AMMECR1: variants seen among roughly 807,000 people sequenced by gnomAD.
AMMECR1 encodes AMMECR nuclear protein 1, also known as nuclear protein AMMECR1.
Under a neutral mutation model 22.5 loss-of-function variants are expected in AMMECR1, and 3 were observed. The ratio of observed to expected loss-of-function variants is 0.13; its 90% CI spans 0.06 to 0.35. The LOEUF (loss-of-function observed/expected upper bound fraction) is 0.35. Ranked by LOEUF, AMMECR1 falls within the 10% of genes least tolerant of loss-of-function variation. AMMECR1 has a pLI of 1.00. For synonymous variants in AMMECR1, 130 were observed against 116.7 expected (o/e 1.11, Z -0.74); for missense variants, 235 against 278.7 (o/e 0.84, Z 1.12).
intron 2 of AMMECR1, among the ~76,000 whole-genome samples, chrX:110,387,973 T>C (rs2068468897): frequency 9.3e-6 from 1 of 106,961 alleles, no homozygotes; most frequent in Admixed American, 1.0e-4. Context: ...GCCATTCTCC[T>C]GCCTCAGCCT....
chrX:110,368,125 G>A (rs1222482562), intron 2 of AMMECR1, among the ~76,000 whole-genome samples: 1 of 108,989 alleles, frequency 9.2e-6, no homozygotes, highest in African/African-American at 3.3e-5. Context: ...ACAGGTGTGA[G>A]CCACTGCACC....
intron 2 of AMMECR1, among the ~76,000 whole-genome samples, chrX:110,390,638 T>C (rs1410926103): frequency 1.8e-5 from 2 of 112,047 alleles, no homozygotes; most frequent in African/African-American, 6.5e-5. Flanking sequence ...AAAATAGAGA[T>C]GGCTTTGCTG....
At chrX:110,382,389 C>G (rs1409489149) in intron 2 of AMMECR1, among the ~76,000 whole-genome samples, 1 of 110,767 alleles carries the variant, frequency 9.0e-6, no homozygotes, top group Non-Finnish European at 1.9e-5. Flanking sequence ...CAGCCAGGAT[C>G]TGGGAGACAT....
intron 2 of AMMECR1, among the ~76,000 whole-genome samples, chrX:110,340,647 T>C (rs1053897847): frequency 1.8e-5 from 2 of 112,472 alleles, no homozygotes; most frequent in Non-Finnish European, 3.8e-5. Flanking sequence ...ACCTATGTTA[T>C]AGATGGGTGG....
chrX:110,408,475 G>GA (rs1420647166), intron 2 of AMMECR1, among the ~76,000 whole-genome samples: 1 of 112,455 alleles, frequency 8.9e-6, no homozygotes, highest in Non-Finnish European at 1.9e-5. Context: ...TGTTCTGCTG[G>GA]ACTTCCATGG....
intron 1 of AMMECR1, among the ~76,000 whole-genome samples, chrX:110,437,669 TC>T (rs201059404): frequency 0.026 from 2,948 of 111,629 alleles, 92 homozygotes; most frequent in African/African-American, 0.089. Flanking sequence ...ACCATGAATC[TC>T]CTTGGGAATG....
At chrX:110,267,645 A>G (rs1375150826) in intron 1 of AMMECR1, among the ~76,000 whole-genome samples, 1 of 111,415 alleles carries the variant, frequency 9.0e-6, no homozygotes, top group African/African-American at 3.3e-5. Context: ...CTCTTCCTCA[A>G]TGACTTCCAT....
At chrX:110,374,481 TCAC>T (rs919235872) in intron 2 of AMMECR1, among the ~76,000 whole-genome samples, 2 of 112,067 alleles carry the variant, frequency 1.8e-5, no homozygotes, top group African/African-American at 3.2e-5. Context: ...TGTGACTGCA[TCAC>T]CACTATTGAT....
intron 1 of AMMECR1, among the ~76,000 whole-genome samples, chrX:110,307,439 A>G (rs1348520842): frequency 8.9e-6 from 1 of 111,777 alleles, no homozygotes; most frequent in Non-Finnish European, 1.9e-5. Flanking sequence ...TGTATTCTGC[A>G]GCCAGTCAGA....
chrX:110,397,185 G>C (rs1373805051), intron 2 of AMMECR1, among the ~76,000 whole-genome samples: 1 of 110,934 alleles, frequency 9.0e-6, no homozygotes, highest in Non-Finnish European at 1.9e-5. Flanking sequence ...TTAGATGCTT[G>C]GCTCTCCTGA....
chrX:110,215,675 C>A (rs1026518372), intron 3 of AMMECR1, among the ~76,000 whole-genome samples: 1 of 112,155 alleles, frequency 8.9e-6, no homozygotes, highest in Admixed American at 9.4e-5. Context: ...TTCATACTTT[C>A]TATACACATT....
At chrX:110,287,558 T>C (rs1225779695) in intron 1 of AMMECR1, among the ~76,000 whole-genome samples, 5 of 111,702 alleles carry the variant, frequency 4.5e-5, no homozygotes, top group Admixed American at 9.5e-5. Context: ...TCAGTGTGTA[T>C]ACTGATGCTC....
At chrX:110,389,522 A>G (rs1313533236) in intron 2 of AMMECR1, among the ~76,000 whole-genome samples, 1 of 112,543 alleles carries the variant, frequency 8.9e-6, no homozygotes, top group Non-Finnish European at 1.9e-5. Context: ...GGTAGCAGCC[A>G]GTAGCTCCAC....
At chrX:110,399,137 C>T (rs1259015335) in intron 2 of AMMECR1, among the ~76,000 whole-genome samples, 3 of 112,182 alleles carry the variant, frequency 2.7e-5, no homozygotes, top group South Asian at 7.5e-4. Flanking sequence ...ACAATAACAA[C>T]AATAATATAA....
chrX:110,381,122 C>A (rs1053426099), intron 2 of AMMECR1, among the ~76,000 whole-genome samples: 1 of 111,797 alleles, frequency 8.9e-6, no homozygotes, highest in African/African-American at 3.3e-5. Flanking sequence ...AGCTTCTGCA[C>A]AGCAAAAGAA....
At chrX:110,405,678 C>G (rs1398638029) in intron 2 of AMMECR1, among the ~76,000 whole-genome samples, 1 of 111,695 alleles carries the variant, frequency 9.0e-6, no homozygotes, top group Non-Finnish European at 1.9e-5. Flanking sequence ...TAAGGTATCT[C>G]TATTAATCTT....
chrX:110,308,226 G>A (rs1465688841), intron 1 of AMMECR1, among the ~76,000 whole-genome samples: 1 of 111,363 alleles, frequency 9.0e-6, no homozygotes, highest in Middle Eastern at 4.2e-3. Flanking sequence ...TTCTAAAGGA[G>A]GGACATCTAA....
chrX:110,373,006 A>G (rs1203068478), intron 2 of AMMECR1, among the ~76,000 whole-genome samples: 2 of 112,355 alleles, frequency 1.8e-5, no homozygotes, highest in African/African-American at 6.5e-5. Context: ...AACAAATCTT[A>G]TTTAGTACTT....
At chrX:110,371,118 C>A (rs988806449) in intron 2 of AMMECR1, among the ~76,000 whole-genome samples, 2 of 111,180 alleles carry the variant, frequency 1.8e-5, no homozygotes, top group Admixed American at 1.9e-4. Flanking sequence ...TTTTTTAGAG[C>A]AGTTTTAGGT....
Sources: allele counts gnomAD v4.1 joint callset (sites outside exome capture counted in the v4.1 genomes callset), GRCh38; gene constraint gnomAD v4.1.1; transcripts MANE v1.5; gene names NCBI Gene and HGNC (gene_info 2026-07-23, HGNC 2026-07-21).